The following MPPED1 variants were observed in gnomAD, a reference collection of about 807,000 sequenced individuals.
The protein encoded by MPPED1 is metallophosphoesterase domain-containing protein 1.
Under a neutral mutation model 36.2 loss-of-function variants are expected in MPPED1, and 16 were observed. The ratio of observed to expected loss-of-function variants is 0.44; its 90% CI spans 0.30 to 0.67. The LOEUF is 0.67. Ranked by LOEUF, MPPED1 falls within the 30% of genes least tolerant of loss-of-function variation. The probability of loss-of-function intolerance (pLI) is 0.10; values close to 1 mark genes in which losing one functional copy is unlikely to be tolerated. For missense variants in MPPED1, 307 were observed against 453.4 expected (o/e 0.68, Z 2.93); for synonymous variants, 199 against 191.3 (o/e 1.04, Z -0.33).
intron 2 of MPPED1, among the ~76,000 whole-genome samples, chr22:43,433,396 G>A (rs1929834798): frequency 6.6e-6 from 1 of 151,948 alleles, no homozygotes; most frequent in Non-Finnish European, 1.5e-5. Flanking sequence ...TGAGCTCAGG[G>A]CTGGCACACG....
intron 2 of MPPED1, among the ~76,000 whole-genome samples, chr22:43,429,564 C>T (rs1319102770): frequency 6.6e-6 from 1 of 152,268 alleles, no homozygotes; most frequent in African/African-American, 2.4e-5. Flanking sequence ...GAAGTCTTTC[C>T]CGCTCCAGCT....
At position 43,447,859 on chromosome 22, in the gene MPPED1, TTA is replaced by T. The variant is rs1238294657; in HGVS notation, c.406+12668_406+12669del. Among the ~76,000 whole-genome samples, 39 of 62,524 alleles carry T rather than the reference TTA, an allele frequency of 6.2e-4. 1 individual carries two copies. The highest frequency in any genetic ancestry group is 5.3e-3 in the South Asian group (9 of 1,708). The allele number at this position is 62,524 out of a possible 152,430, so 41.0% of individuals were successfully genotyped here. ...TAAAAATATTTTATATATGTAAATA[TTA>T]TATATATATATATATATATATATTT... is the stretch of plus-strand genomic sequence containing the variant. On this transcript the variant is annotated intron_variant, in intron 3 of 6. Coordinates refer to ENST00000443721, the MANE Select transcript of MPPED1 (RefSeq NM_001044370.2).
rs188765764 is a variant in MPPED1, at chr22:43,433,603, C to T, written c.225-1431C>T. On this transcript the variant is annotated intron_variant, in intron 2 of 6. Transcript: ENST00000443721. ...CCTAGCAACCCCCAGGAAGGGGCCC[C>T]GGGTGCGCGCTCCCGCCGCGGCATC... Among the ~76,000 whole-genome samples, 92 of 150,738 alleles carry T rather than the reference C, an allele frequency of 6.1e-4. No homozygotes were observed. In the East Asian group the frequency reaches 0.017, roughly 28 times the overall value.
At chr22:43,465,826 G>C (rs1931149041) in intron 3 of MPPED1, among the ~76,000 whole-genome samples, 1 of 152,208 alleles carries the variant, frequency 6.6e-6, no homozygotes, top group African/African-American at 2.4e-5. Context: ...CACCCACAGG[G>C]GTGCAAGGTT....
In MPPED1 at chr22:43,435,270, G is replaced by A. The variant is rs951960856; in HGVS notation, c.406+55G>A. ...TGTGCTGAGCAGGAAGGGGGCTCCC[G>A]CCAGCTCCCGAGGCTGCCTGCCTGC... On this transcript the variant is annotated intron_variant, in intron 3 of 6. Transcript: ENST00000443721. 4.7e-5 allele frequency: 72 copies of A among 1,532,948 alleles called. No individual in the cohort carries two copies. In the African/African-American group the frequency reaches 7.1e-4, roughly 15 times the overall value. The allele number at this position is 1,532,948 out of a possible 1,614,324, so 95.0% of individuals were successfully genotyped here.
intron 4 of MPPED1, among the ~76,000 whole-genome samples, chr22:43,475,303 G>T (rs1601994982): frequency 6.6e-6 from 1 of 152,160 alleles, no homozygotes; most frequent in East Asian, 1.9e-4. Context: ...CTAGGAAGGG[G>T]CAGAGCTGGG....
intron 4 of MPPED1, among the ~76,000 whole-genome samples, chr22:43,488,325 T>A (rs1306428169): frequency 6.6e-6 from 1 of 152,160 alleles, no homozygotes; most frequent in Non-Finnish European, 1.5e-5. Context: ...CAGTGACTCC[T>A]GGGGACACGA....
At chr22:43,434,545 T>C (rs1029071305) in intron 2 of MPPED1, among the ~76,000 whole-genome samples, 15 of 152,208 alleles carry the variant, frequency 9.9e-5, no homozygotes, top group Admixed American at 1.3e-4. Flanking sequence ...CTTGCTCTTC[T>C]GTCTAAAGCA....
At chr22:43,486,960 T>C (rs929996570) in intron 4 of MPPED1, among the ~76,000 whole-genome samples, 1 of 152,112 alleles carries the variant, frequency 6.6e-6, no homozygotes, top group Non-Finnish European at 1.5e-5. Flanking sequence ...ATATGGGTCT[T>C]GGGGCTTCCT....
intron 1 of MPPED1, among the ~76,000 whole-genome samples, chr22:43,424,686 C>CT (rs1048646647): frequency 1.4e-5 from 2 of 141,964 alleles, no homozygotes; most frequent in African/African-American, 5.2e-5. Flanking sequence ...GTTTTTTTTT[C>CT]TTTTTTTTCT....
At chr22:43,448,997 A>G (rs1930463121) in intron 3 of MPPED1, among the ~76,000 whole-genome samples, 1 of 151,274 alleles carries the variant, frequency 6.6e-6, no homozygotes, top group Non-Finnish European at 1.5e-5. Context: ...CTTTTTTTTT[A>G]GGCAAATTCT....
intron 4 of MPPED1, among the ~76,000 whole-genome samples, chr22:43,477,863 T>C (rs1417399696): frequency 6.6e-6 from 1 of 152,166 alleles, no homozygotes; most frequent in Non-Finnish European, 1.5e-5. Flanking sequence ...TCTTTCTGTG[T>C]AGTGGGGAAA....
chr22:43,472,797 A>G (rs1931420719), intron 3 of MPPED1, among the ~76,000 whole-genome samples: 1 of 152,208 alleles, frequency 6.6e-6, no homozygotes, highest in South Asian at 2.1e-4. Flanking sequence ...ACGTGGTTAG[A>G]CAGACGGCAC....
At chr22:43,494,749 G>A (rs888801017) in intron 4 of MPPED1, among the ~76,000 whole-genome samples, 1 of 149,492 alleles carries the variant, frequency 6.7e-6, no homozygotes, top group African/African-American at 2.5e-5. Context: ...AGACCATTCG[G>A]GCTGCTACAA....
chr22:43,489,971 T>G (rs1932033874), intron 4 of MPPED1, among the ~76,000 whole-genome samples: 1 of 152,172 alleles, frequency 6.6e-6, no homozygotes. Context: ...CGTCAGGCAG[T>G]GGGACACAGA....
At chr22:43,444,490 C>T (rs536593259) in intron 3 of MPPED1, among the ~76,000 whole-genome samples, 1 of 151,812 alleles carries the variant, frequency 6.6e-6, no homozygotes, top group Admixed American at 6.6e-5. Context: ...CCTCAGCCTC[C>T]CGAGTAGCTG....
At chr22:43,434,856 G>T (rs958867564) in intron 2 of MPPED1, among the ~76,000 whole-genome samples, 178 bp from the exon 3 acceptor site, 3 of 152,264 alleles carry the variant, frequency 2.0e-5, no homozygotes, top group Non-Finnish European at 4.4e-5. Context: ...AAAGATGAGA[G>T]AAGTCAGGAT....
In MPPED1 at chr22:43,483,351, G is replaced by T. The variant is rs556264045; in HGVS notation, c.632+8390G>T. 6.2e-4 allele frequency among the ~76,000 whole-genome samples: 94 copies of T among 152,366 alleles called. 1 individual carries two copies. The highest frequency in any genetic ancestry group is 1.7e-3 in the African/African-American group (71 of 41,594). On this transcript the variant is annotated intron_variant, in intron 4 of 6. Transcript: ENST00000443721. ...CTCCCCCAGCTGTCACTGCAGATGG[G>T]TGACAGTGATGAGGCTGGTTCTCCC...
At chr22:43,461,446 G>A (rs559678525) in intron 3 of MPPED1, among the ~76,000 whole-genome samples, 1 of 152,324 alleles carries the variant, frequency 6.6e-6, no homozygotes, top group Admixed American at 6.5e-5. Context: ...CGGATTGTTG[G>A]TTGATTTCCA....
Sources: allele counts gnomAD v4.1 joint callset (sites outside exome capture counted in the v4.1 genomes callset), GRCh38; gene constraint gnomAD v4.1.1; transcripts MANE v1.5; gene names NCBI Gene and HGNC (gene_info 2026-07-23, HGNC 2026-07-21).